The following ZNF385D variants were observed in gnomAD, a reference collection of about 807,000 sequenced individuals.
ZNF385D encodes zinc finger protein 385D.
Under a neutral mutation model 35.8 loss-of-function variants are expected in ZNF385D, and 15 were observed. The ratio of observed to expected loss-of-function variants is 0.42; its 90% CI spans 0.28 to 0.64. The LOEUF (loss-of-function observed/expected upper bound fraction) is 0.64. Among genes scored for constraint, ZNF385D ranks in the 30% least tolerant of loss-of-function variants. The probability of loss-of-function intolerance (pLI) is 0.23; values close to 1 mark genes in which losing one functional copy is unlikely to be tolerated. For synonymous variants in ZNF385D, 212 were observed against 186.8 expected (o/e 1.13, Z -1.10); for missense variants, 474 against 494.6 (o/e 0.96, Z 0.39).
chr3:22,161,887 G>T (rs1302441752), intron 3 of ZNF385D, among the ~76,000 whole-genome samples: 1 of 152,096 alleles, frequency 6.6e-6, no homozygotes, highest in Non-Finnish European at 1.5e-5. Flanking sequence ...AGTTTGCCAG[G>T]GAGATTAATG....
chr3:21,825,872 G>C (rs996350080), intron 3 of ZNF385D, among the ~76,000 whole-genome samples: 1 of 152,172 alleles, frequency 6.6e-6, no homozygotes, highest in Non-Finnish European at 1.5e-5. Context: ...GAAAGCCAAA[G>C]GTTACGGCCT....
intron 3 of ZNF385D, among the ~76,000 whole-genome samples, chr3:21,879,287 GTGT>G (rs1271231800): frequency 6.6e-6 from 1 of 151,994 alleles, no homozygotes; most frequent in Non-Finnish European, 1.5e-5. Flanking sequence ...TGCCAAACTA[GTGT>G]TGTCTAAGTG....
At chr3:21,964,008 C>T (rs973465490) in intron 3 of ZNF385D, among the ~76,000 whole-genome samples, 1 of 152,076 alleles carries the variant, frequency 6.6e-6, no homozygotes, top group African/African-American at 2.4e-5. Context: ...CTAAGTATTA[C>T]ATTAAATATT....
chr3:21,903,708 A>G (rs1214004125), intron 3 of ZNF385D, among the ~76,000 whole-genome samples: 1 of 152,200 alleles, frequency 6.6e-6, no homozygotes, highest in African/African-American at 2.4e-5. Context: ...TATGTCATCC[A>G]TGAACACGTC....
exon 3 of ZNF385D, chr3:22,169,031 G>A (rs987134482): frequency 2.0e-5 from 20 of 985,668 alleles, no homozygotes; most frequent in Non-Finnish European, 2.3e-5. Context: ...GTACACAGGT[G>A]AAATCTGAGG....
intron 3 of ZNF385D, among the ~76,000 whole-genome samples, chr3:22,094,534 T>C (rs1183611638): frequency 1.3e-5 from 2 of 151,560 alleles, no homozygotes; most frequent in African/African-American, 4.8e-5. Flanking sequence ...GAGTAAGACA[T>C]AGGCCAGACA....
chr3:22,175,027 C>T (rs1032042396), intron 2 of ZNF385D, among the ~76,000 whole-genome samples: 1 of 151,690 alleles, frequency 6.6e-6, no homozygotes, highest in African/African-American at 2.4e-5. Context: ...ATAAAGAGTT[C>T]TTAAAATTGC....
intron 4 of ZNF385D, among the ~76,000 whole-genome samples, chr3:21,476,889 C>T (rs1704281671): frequency 6.6e-6 from 1 of 152,116 alleles, no homozygotes; most frequent in Non-Finnish European, 1.5e-5. Context: ...CAGAGAGTCT[C>T]ATCGGTATCC....
intron 1 of ZNF385D, among the ~76,000 whole-genome samples, chr3:21,707,550 A>G (rs1212002732): frequency 6.6e-6 from 1 of 152,210 alleles, no homozygotes; most frequent in East Asian, 1.9e-4. Context: ...AAAGACCTCT[A>G]CATATAGAAA....
At chr3:22,143,121 C>G (rs9877926) in intron 3 of ZNF385D, among the ~76,000 whole-genome samples, 1,553 of 149,860 alleles carry the variant, frequency 0.01, 34 homozygotes, top group African/African-American at 0.037. Flanking sequence ...CTCACTCTGT[C>G]GCCCAGGCTG....
In ZNF385D at chr3:21,635,561, T is replaced by TTTG. The variant is rs139247316; in HGVS notation, c.165+29322_165+29324dup. 6.3e-4 allele frequency among the ~76,000 whole-genome samples: 96 copies of TTTG among 151,258 alleles called. 1 individual carries two copies. The highest frequency in any genetic ancestry group is 1.7e-3 in the African/African-American group (72 of 41,166). Reference sequence around the variant, plus strand: ...GTTGTTGTTGTTGTTGTTTGTTTGTTTTGTTGTTGTTGTTGTTTCCATAGG... The same window carrying TTTG: ...GTTGTTGTTGTTGTTGTTTGTTTGTTTTGTTGTTGTTGTTGTTGTTTCCATAGG... On this transcript the variant is annotated intron_variant, in intron 2 of 7. Transcript: ENST00000281523.
chr3:21,863,859 A>G (rs886773568), intron 3 of ZNF385D, among the ~76,000 whole-genome samples: 19 of 152,264 alleles, frequency 1.2e-4, no homozygotes, highest in Admixed American at 1.2e-3. Flanking sequence ...CCAGGCCTCT[A>G]TAAAATATGA....
chr3:21,499,147 T>C (rs1478345104), intron 4 of ZNF385D, among the ~76,000 whole-genome samples: 2 of 151,984 alleles, frequency 1.3e-5, no homozygotes, highest in Non-Finnish European at 2.9e-5. Flanking sequence ...CAAAGGAACA[T>C]AAATCATTCT....
At chr3:22,031,537 C>A (rs568702307) in intron 3 of ZNF385D, among the ~76,000 whole-genome samples, 1 of 152,136 alleles carries the variant, frequency 6.6e-6, no homozygotes, top group Non-Finnish European at 1.5e-5. Context: ...GGAGTTGGAG[C>A]GGCTGAGATG....
At chr3:21,819,667 A>G (rs1483979574) in intron 3 of ZNF385D, among the ~76,000 whole-genome samples, 1 of 146,590 alleles carries the variant, frequency 6.8e-6, no homozygotes, top group Non-Finnish European at 1.5e-5. Context: ...ATGTGTATTA[A>G]TTATATATAA....
intron 3 of ZNF385D, among the ~76,000 whole-genome samples, chr3:22,060,395 T>C (rs1168971030): frequency 6.6e-6 from 1 of 152,188 alleles, no homozygotes; most frequent in Non-Finnish European, 1.5e-5. Context: ...TGAATTTCAA[T>C]CAACCATCCA....
intron 3 of ZNF385D, among the ~76,000 whole-genome samples, chr3:22,121,938 C>A (rs1267808777): frequency 1.3e-5 from 2 of 152,014 alleles, no homozygotes; most frequent in African/African-American, 2.4e-5. Flanking sequence ...TTAAGACAGA[C>A]AGATCAAGTC....
At chr3:21,919,043 T>C (rs1037404873) in intron 3 of ZNF385D, among the ~76,000 whole-genome samples, 1 of 152,242 alleles carries the variant, frequency 6.6e-6, no homozygotes, top group East Asian at 1.9e-4. Context: ...ATGCATTAAA[T>C]AGTATCGTGG....
intron 3 of ZNF385D, among the ~76,000 whole-genome samples, chr3:21,561,368 A>G (rs1037056243): frequency 7.9e-5 from 12 of 152,236 alleles, no homozygotes; most frequent in Non-Finnish European, 1.5e-4. Flanking sequence ...CTCATGGCAC[A>G]GTCCCTCACA....
Sources: gnomAD v4.1 joint callset for allele counts (sites outside exome capture counted in the v4.1 genomes callset) on GRCh38, gnomAD v4.1.1 for gene constraint, MANE v1.5 for transcripts, NCBI Gene and HGNC (gene_info 2026-07-23, HGNC 2026-07-21) for gene names.